RYR2: variants seen among roughly 807,000 people sequenced by gnomAD.
RYR2 encodes ryanodine receptor 2.
In RYR2, 227 loss-of-function variants were observed where a neutral mutation model predicts 601.1. The observed-to-expected ratio is 0.38, with a 90% CI of 0.34 to 0.42. The LOEUF is 0.42. Ranked by LOEUF, RYR2 falls within the 10% of genes least tolerant of loss-of-function variation. The pLI is 1.00. For synonymous variants in RYR2, 2,223 were observed against 2,175.1 expected, an observed-to-expected ratio of 1.02 and a Z score of -0.61; for missense variants, 4,646 against 6,156.5, an observed-to-expected ratio of 0.75 and a Z score of 8.21.
intron 2 of RYR2, among the ~76,000 whole-genome samples, chr1:237,289,265 G>A (rs943716333): frequency 6.6e-5 from 10 of 152,056 alleles, no homozygotes; most frequent in Admixed American, 2.0e-4. Flanking sequence ...TTAACAATGC[G>A]AGCCCCCACA....
At position 237,148,515 on chromosome 1, in the gene RYR2, TAAA is replaced by T. The variant is rs372359390; in HGVS notation, c.48+105957_48+105959del. Among the ~76,000 whole-genome samples, 571 of 105,128 alleles carry T rather than the reference TAAA, an allele frequency of 5.4e-3. 4 individuals carry two copies. The highest frequency in any genetic ancestry group is 0.022 in the Middle Eastern group (4 of 186). The allele number at this position is 105,128 out of a possible 152,430, so 69.0% of individuals were successfully genotyped here. ...TGCACATGTATCCCAGAACTTCAAG[TAAA>T]AAAAAAAAAATATATATATATATAT... On this transcript the variant is annotated intron_variant, in intron 1 of 104. Coordinates refer to ENST00000366574, the MANE Select transcript of RYR2 (RefSeq NM_001035.3).
intron 1 of RYR2, among the ~76,000 whole-genome samples, chr1:237,148,533 T>TATATATATATATATACACAC (rs1558320038): frequency 5.2e-4 from 61 of 116,714 alleles, no homozygotes; most frequent in African/African-American, 2.2e-3. Flanking sequence ...AAAAAATATA[T>TATATATATATATATACACAC]ATATATATAT....
chr1:237,464,695 G>A (rs1217178744), intron 16 of RYR2, among the ~76,000 whole-genome samples: 1 of 152,020 alleles, frequency 6.6e-6, no homozygotes, highest in African/African-American at 2.4e-5. Context: ...TGCTATACAT[G>A]TACTTATATT....
At position 237,610,050 on chromosome 1, in the gene RYR2, A is replaced by G. The variant is rs1395994128; in HGVS notation, c.4684-712A>G. Among the ~76,000 whole-genome samples the G allele has an allele frequency of 2.0e-5, 3 of 152,136 alleles. No homozygotes were observed. Among genetic ancestry groups the G allele is most frequent in the African/African-American group, 7.2e-5 (3 of 41,430 alleles). On this transcript the variant is annotated intron_variant, in intron 35 of 104. Transcript: ENST00000366574. The surrounding 1 kb of genome is among the most constrained non-coding windows in gnomAD (Gnocchi z 4.9). ...AAGAAGAGATAGAAGATAATGCAGA[A>G]ATATGAGATAATGGTTTTCTTATGG...
At chr1:237,546,239 T>A (rs886201481) in intron 25 of RYR2, among the ~76,000 whole-genome samples, 5 of 152,240 alleles carry the variant, frequency 3.3e-5, no homozygotes, top group Non-Finnish European at 5.9e-5. Context: ...TCCATAAATT[T>A]AACTTATGAA....
intron 16 of RYR2, among the ~76,000 whole-genome samples, chr1:237,461,178 A>G (rs777337170): frequency 2.0e-5 from 3 of 152,174 alleles, no homozygotes; most frequent in African/African-American, 7.2e-5. Context: ...CCAGACTGCA[A>G]ATTTTATATT....
At chr1:237,469,830 T>C (rs1391367400) in intron 17 of RYR2, among the ~76,000 whole-genome samples, 1 of 152,200 alleles carries the variant, frequency 6.6e-6, no homozygotes, top group African/African-American at 2.4e-5. Context: ...TAGTAAAATA[T>C]TTATAGGCAG....
chr1:237,120,252 T>A (rs1670626471), intron 1 of RYR2, among the ~76,000 whole-genome samples: 1 of 152,192 alleles, frequency 6.6e-6, no homozygotes, highest in Admixed American at 6.5e-5. Flanking sequence ...AAGTGCCTGA[T>A]AAATGTGAGC....
At chr1:237,309,712 G>A (rs1210127870) in intron 2 of RYR2, among the ~76,000 whole-genome samples, 2 of 152,156 alleles carry the variant, frequency 1.3e-5, no homozygotes, top group African/African-American at 4.8e-5. Flanking sequence ...CGGACACGCA[G>A]GAGCCCATGG....
chr1:237,791,332 A>G (rs1031723694), intron 92 of RYR2, 97 bp from the exon 93 acceptor site: 12 of 715,564 alleles, frequency 1.7e-5, no homozygotes, highest in Non-Finnish European at 2.8e-5. Context: ...CTTGCGATCA[A>G]TTGTTTGGGG....
chr1:237,310,151 C>T (rs1436833148), intron 2 of RYR2, among the ~76,000 whole-genome samples: 2 of 152,198 alleles, frequency 1.3e-5, no homozygotes, highest in South Asian at 2.1e-4. Flanking sequence ...GGGCTGCCAG[C>T]ACGCTGTCAC....
intron 33 of RYR2, 131 bp from the exon 34 acceptor site, chr1:237,595,367 T>C (rs2148473798): frequency 9.9e-7 from 1 of 1,009,382 alleles, no homozygotes; most frequent in East Asian, 2.7e-5. Context: ...GAATCGGGCC[T>C]ATTGTGCACC....
intron 1 of RYR2, among the ~76,000 whole-genome samples, chr1:237,093,001 T>C (rs1264426757): frequency 6.6e-6 from 1 of 152,324 alleles, no homozygotes; most frequent in South Asian, 2.1e-4. Flanking sequence ...GTGACAGTGC[T>C]GTCCCGTAGA....
chr1:237,261,254 G>A (rs1358977500), intron 1 of RYR2, among the ~76,000 whole-genome samples: 1 of 152,114 alleles, frequency 6.6e-6, no homozygotes, highest in Non-Finnish European at 1.5e-5. Flanking sequence ...TGGTTGCAGT[G>A]ACCCCCCTTG....
intron 43 of RYR2, 57 bp downstream of exon 43, chr1:237,633,767 A>C: frequency 6.7e-7 from 1 of 1,500,946 alleles, no homozygotes; most frequent in East Asian, 2.4e-5. Flanking sequence ...TATTACATTT[A>C]AAAAGCAAAC....
chr1:237,302,753 A>AT (rs369305323), intron 2 of RYR2, among the ~76,000 whole-genome samples: 12 of 152,110 alleles, frequency 7.9e-5, no homozygotes, highest in African/African-American at 1.9e-4. Flanking sequence ...TTTGTTTTCC[A>AT]TTTTTTTTCT....
chr1:237,685,856 A>C (rs1180759788), intron 62 of RYR2, among the ~76,000 whole-genome samples: 1 of 152,082 alleles, frequency 6.6e-6, no homozygotes, highest in Non-Finnish European at 1.5e-5. Flanking sequence ...TTTTGTTCTG[A>C]TAAGAAATTC....
At chr1:237,635,136 C>T (rs944580291) in intron 44 of RYR2, 144 bp downstream of exon 44, 11 of 562,822 alleles carry the variant, frequency 2.0e-5, no homozygotes, top group Middle Eastern at 5.5e-4. Context: ...ATTAATTTTG[C>T]ACCAACACAA....
Position 237,819,397 on chromosome 1 carries a change from G to C in RYR2, c.14590+205G>C, listed in dbSNP as rs1185239402. Among the ~76,000 whole-genome samples, 5 of 152,182 alleles carry C rather than the reference G, an allele frequency of 3.3e-5. No homozygotes were observed. Among genetic ancestry groups the C allele is most frequent in the African/African-American group, 7.2e-5 (3 of 41,432 alleles). On this transcript the variant is annotated intron_variant, in intron 101 of 104. Transcript: ENST00000366574. This position sits in a 1 kb window ranked among gnomAD's most constrained non-coding sequence, Gnocchi z 4.0. The stretch of plus-strand genomic sequence containing the variant: ...CCCTGGTATGAAGGGAAGATACAGT[G>C]TTATTTTGTCTTCTTTCAAATAACA...
Sources: gnomAD v4.1 joint callset for allele counts (sites outside exome capture counted in the v4.1 genomes callset) on GRCh38, gnomAD v4.1.1 for gene constraint, Gnocchi (gnomAD v3.1) non-coding constraint, MANE v1.5 for transcripts, NCBI Gene and HGNC (gene_info 2026-07-23, HGNC 2026-07-21) for gene names.